RNGTT: variants seen among roughly 807,000 people sequenced by gnomAD.
RNGTT encodes RNA guanylyltransferase and 5'-phosphatase.
A neutral mutation model predicts 79.3 loss-of-function variants in RNGTT; 33 were observed. The observed-to-expected ratio is 0.42, with a 90% CI of 0.32 to 0.56. The LOEUF (loss-of-function observed/expected upper bound fraction) is 0.56, where lower values mean the gene tolerates loss of function less well. Ranked by LOEUF, RNGTT falls within the 20% of genes least tolerant of loss-of-function variation. The pLI, the probability that RNGTT is intolerant of heterozygous loss-of-function variation, is 0.17. For missense variants in RNGTT, 497 were observed against 739.1 expected, an observed-to-expected ratio of 0.67 and a Z score of 3.80; for synonymous variants, 222 against 235.9, an observed-to-expected ratio of 0.94 and a Z score of 0.54.
chr6:88,856,417 TAC>T (rs138693589), intron 8 of RNGTT, among the ~76,000 whole-genome samples: 6,141 of 150,004 alleles, frequency 0.041, 175 homozygotes, highest in African/African-American at 0.074. Flanking sequence ...GTATTTATTT[TAC>T]ACACACACAC....
At chr6:88,901,918 A>G (rs1289473729) in intron 6 of RNGTT, among the ~76,000 whole-genome samples, 1 of 152,240 alleles carries the variant, frequency 6.6e-6, no homozygotes, top group Non-Finnish European at 1.5e-5. Context: ...ATAATACAGG[A>G]AGCTCTTCAG....
At chr6:88,923,977 A>G (rs6924125) in intron 4 of RNGTT, among the ~76,000 whole-genome samples, 3,333 of 152,272 alleles carry the variant, frequency 0.022, 123 homozygotes, top group African/African-American at 0.076. Flanking sequence ...TGGCAGCCCC[A>G]GGGAGAGGAA....
Position 88,915,318 on chromosome 6 carries a change from T to C in RNGTT, c.368-8878A>G, listed in dbSNP as rs568532461. Among the ~76,000 whole-genome samples the C allele has an allele frequency of 9.8e-5, 15 of 152,368 alleles. No individual in the cohort carries two copies. In the South Asian group the frequency reaches 2.9e-3, roughly 29 times the overall value. On this transcript the variant is annotated intron_variant, in intron 4 of 15. Transcript: ENST00000369485. Reference sequence around the variant, plus strand: ...TCTACCAAAAAGATACCCGCACTTGTATGTTTACCACAGCACTATTTACAA... The same window carrying C: ...TCTACCAAAAAGATACCCGCACTTGCATGTTTACCACAGCACTATTTACAA...
At chr6:88,762,934 T>C (rs534444513) in intron 13 of RNGTT, among the ~76,000 whole-genome samples, 92 of 149,358 alleles carry the variant, frequency 6.2e-4, no homozygotes, top group African/African-American at 2.3e-3. Context: ...TTCTTTTTCC[T>C]TTTTTTTAAG....
rs369644214 is a variant in RNGTT, at chr6:88,749,244, T to A, written c.1439+20530A>T. On this transcript the variant is annotated intron_variant, in intron 13 of 15. Coordinates refer to ENST00000369485, the MANE Select transcript of RNGTT (RefSeq NM_003800.5). ...AAGGAACACACAGCAAAAGAAGTTGTAAATATGTAGGAAAAGCAATCAAAT... is the reference window on the plus strand; with the variant it reads ...AAGGAACACACAGCAAAAGAAGTTGAAAATATGTAGGAAAAGCAATCAAAT... 5.9e-5 allele frequency among the ~76,000 whole-genome samples: 9 copies of A among 152,174 alleles called. No individual in the cohort carries two copies. The East Asian group carries it at 1.2e-3, about 20-fold the overall frequency.
chr6:88,765,685 T>G (rs559905529), intron 13 of RNGTT, among the ~76,000 whole-genome samples: 1 of 152,184 alleles, frequency 6.6e-6, no homozygotes, highest in African/African-American at 2.4e-5. Context: ...AGCAAATAAG[T>G]AGTGGAACTT....
At chr6:88,654,598 C>A (rs1030540089) in intron 14 of RNGTT, among the ~76,000 whole-genome samples, 12 of 148,024 alleles carry the variant, frequency 8.1e-5, no homozygotes, top group Admixed American at 1.4e-4. Context: ...TCCTTCCTCC[C>A]TCTTCCCAGT....
chr6:88,671,712 A>C (rs1489536772), intron 14 of RNGTT, among the ~76,000 whole-genome samples: 1 of 152,232 alleles, frequency 6.6e-6, no homozygotes, highest in Non-Finnish European at 1.5e-5. Context: ...CTATACTACA[A>C]GGATATAGTT....
At chr6:88,905,921 G>T (rs904544392) in intron 5 of RNGTT, among the ~76,000 whole-genome samples, 3 of 152,186 alleles carry the variant, frequency 2.0e-5, no homozygotes, top group Non-Finnish European at 4.4e-5. Flanking sequence ...AAGGGTGGAA[G>T]ATAACTTTAG....
chr6:88,932,610 C>T (rs906293034), intron 2 of RNGTT, among the ~76,000 whole-genome samples: 43 of 152,130 alleles, frequency 2.8e-4, no homozygotes, highest in Non-Finnish European at 5.1e-4. Flanking sequence ...TTTCTCAGAC[C>T]GGCCGACATT....
intron 14 of RNGTT, among the ~76,000 whole-genome samples, chr6:88,625,470 GCTTGA>G (rs1319025185): frequency 6.6e-6 from 1 of 151,948 alleles, no homozygotes; most frequent in Non-Finnish European, 1.5e-5. Flanking sequence ...AACTGAAGAA[GCTTGA>G]CTTTAAAAGC....
chr6:88,684,826 A>G lies in RNGTT; in HGVS notation c.1440-6407T>C, dbSNP rs527751695. On this transcript the variant is annotated intron_variant, in intron 13 of 15. Coordinates refer to ENST00000369485, the MANE Select transcript of RNGTT (RefSeq NM_003800.5). ...TAGGTTCATCAACTCTAATAAATGTAGCACTCTGATGCAGAGTACTGATAG... is the reference window on the plus strand; with the variant it reads ...TAGGTTCATCAACTCTAATAAATGTGGCACTCTGATGCAGAGTACTGATAG... Among the ~76,000 whole-genome samples, 7 of 152,292 alleles carry G rather than the reference A, an allele frequency of 4.6e-5. No individual in the cohort carries two copies. The South Asian group carries it at 1.5e-3, about 32-fold the overall frequency.
chr6:88,631,429 G>C (rs1236669502), intron 14 of RNGTT, among the ~76,000 whole-genome samples: 1 of 152,196 alleles, frequency 6.6e-6, no homozygotes, highest in Non-Finnish European at 1.5e-5. Flanking sequence ...ACTGCATGCA[G>C]TGGTGAAAAG....
At chr6:88,949,173 A>G (rs956627928) in intron 1 of RNGTT, among the ~76,000 whole-genome samples, 12 of 143,936 alleles carry the variant, frequency 8.3e-5, no homozygotes, top group Non-Finnish European at 1.5e-4. Flanking sequence ...AAAAAAAAAA[A>G]AAAAAGAAAA....
chr6:88,892,661 T>A (rs1415316332), intron 6 of RNGTT, among the ~76,000 whole-genome samples: 1 of 151,968 alleles, frequency 6.6e-6, no homozygotes, highest in Admixed American at 6.6e-5. Flanking sequence ...AAAAAAATAG[T>A]CTAGATGTAT....
chr6:88,898,428 T>C (rs1783325859), intron 6 of RNGTT, among the ~76,000 whole-genome samples: 1 of 152,140 alleles, frequency 6.6e-6, no homozygotes, highest in Non-Finnish European at 1.5e-5. Flanking sequence ...CTGCTACTCA[T>C]CCCACATACT....
At chr6:88,774,265 G>A (rs1402519243) in intron 12 of RNGTT, among the ~76,000 whole-genome samples, 1 of 151,792 alleles carries the variant, frequency 6.6e-6, no homozygotes, top group Non-Finnish European at 1.5e-5. Flanking sequence ...ATCAAATGGA[G>A]ATACCACTTC....
At chr6:88,746,173 C>T (rs1463424943) in intron 13 of RNGTT, among the ~76,000 whole-genome samples, 4 of 152,214 alleles carry the variant, frequency 2.6e-5, no homozygotes, top group Non-Finnish European at 5.9e-5. Context: ...TCCCCACCAC[C>T]AAAGAGTGGC....
chr6:88,694,856 C>T (rs1775605465), intron 13 of RNGTT, among the ~76,000 whole-genome samples: 1 of 152,056 alleles, frequency 6.6e-6, no homozygotes, highest in South Asian at 2.1e-4. Context: ...TTCCACCTTC[C>T]ACCACAGCAT....
Sources: gnomAD v4.1 joint callset for allele counts (sites outside exome capture counted in the v4.1 genomes callset) on GRCh38, gnomAD v4.1.1 for gene constraint, MANE v1.5 for transcripts, NCBI Gene and HGNC (gene_info 2026-07-23, HGNC 2026-07-21) for gene names.